TWSG1: variants seen among roughly 807,000 people sequenced by gnomAD.
TWSG1 encodes the protein twisted gastrulation protein homolog 1.
A neutral mutation model predicts 23.0 loss-of-function variants in TWSG1; 15 were observed. The observed-to-expected ratio is 0.65, with a 90% CI of 0.44 to 1.00. TWSG1 has a LOEUF of 1.00. TWSG1 is among the 50% of genes least tolerant of loss of function. The pLI, the probability that TWSG1 is intolerant of heterozygous loss-of-function variation, is 0.00. For missense variants in TWSG1, 242 were observed against 278.7 expected (o/e 0.87, Z 0.94); for synonymous variants, 86 against 92.8 (o/e 0.93, Z 0.42).
In TWSG1 at chr18:9,389,254, G is replaced by GCTT. The variant is rs1195411896; in HGVS notation, c.224-7026_224-7025insCTT. Among the ~76,000 whole-genome samples the GCTT allele has an allele frequency of 2.1e-4, 32 of 152,276 alleles. No homozygotes were observed. The East Asian group carries it at 5.4e-3, about 26-fold the overall frequency. On this transcript the variant is annotated intron_variant, in intron 3 of 4. Coordinates refer to ENST00000262120, the MANE Select transcript of TWSG1 (RefSeq NM_020648.6). ...GCCTCCCAAAGTGCTGAGATTACAG[G>GCTT]TGTGAACCACTGCACCCGGCCACTA...
At position 9,399,479 on chromosome 18, in the gene TWSG1, T is replaced by C; in HGVS notation, c.624T>C (p.Cys208=). ...NACCECIGPE[C]IDYGSKTVKC... ...GCTGCGAGTGCATTGGTCCAGAATG[T>C]ATTGACTATGGTAGTAAAACTGTCA... Residue 208 remains cysteine, a synonymous_variant, in exon 5 of 5, where the codon TGT becomes TGC. Coordinates refer to ENST00000262120, the MANE Select transcript of TWSG1 (RefSeq NM_020648.6). The C allele has an allele frequency of 6.2e-7, 1 of 1,613,406 alleles. No individual in the cohort carries two copies. The highest frequency in any genetic ancestry group is 1.1e-5 in the South Asian group (1 of 90,826).
At chr18:9,360,519 A>G (rs1385879786) in intron 3 of TWSG1, among the ~76,000 whole-genome samples, 1 of 152,220 alleles carries the variant, frequency 6.6e-6, no homozygotes, top group Non-Finnish European at 1.5e-5. Context: ...AACACCTGTC[A>G]GCCCTTCTCT....
At chr18:9,342,753 A>C (rs1183968665) in intron 2 of TWSG1, among the ~76,000 whole-genome samples, 1 of 151,908 alleles carries the variant, frequency 6.6e-6, no homozygotes, top group South Asian at 2.1e-4. Flanking sequence ...TGTTTCTTGG[A>C]TTTCGTATCT....
At chr18:9,369,325 A>G (rs2040594066) in intron 3 of TWSG1, among the ~76,000 whole-genome samples, 1 of 151,676 alleles carries the variant, frequency 6.6e-6, no homozygotes, top group Non-Finnish European at 1.5e-5. Flanking sequence ...CTAGAGTACA[A>G]TGGCACGATC....
In TWSG1 at chr18:9,402,382, C is replaced by CG. The variant is rs2040766880; in HGVS notation, c.*2855_*2856insG. ...ATTGTGTATTTTTCTTTGGTTGTCCCTATTAACAAAAAAGTATTTTAATAA... is the reference window on the plus strand; with the variant it reads ...ATTGTGTATTTTTCTTTGGTTGTCCCGTATTAACAAAAAAGTATTTTAATAA... On this transcript the variant is annotated 3_prime_UTR_variant, in exon 5 of 5. Transcript: ENST00000262120. 2 of 151,986 alleles carry CG rather than the reference C, an allele frequency of 1.3e-5. No individual in the cohort carries two copies. Among genetic ancestry groups the CG allele is most frequent in the African/African-American group, 4.8e-5 (2 of 41,356 alleles). The allele number at this position is 151,986 out of a possible 1,614,324, so 9.4% of individuals were successfully genotyped here. A position where few individuals can be genotyped will look rare whatever the true frequency, so the allele number is the denominator to read the frequency against.
intron 3 of TWSG1, among the ~76,000 whole-genome samples, chr18:9,390,126 T>C (rs1275997680): frequency 6.6e-6 from 1 of 151,858 alleles, no homozygotes; most frequent in African/African-American, 2.4e-5. Context: ...GGCTGGTGGT[T>C]GCTGAAGGCT....
chr18:9,352,950 A>T (rs1342135223), intron 2 of TWSG1, among the ~76,000 whole-genome samples: 1 of 152,256 alleles, frequency 6.6e-6, no homozygotes, highest in Non-Finnish European at 1.5e-5. Context: ...CATTTTGGTC[A>T]ATGGCAGACA....
In TWSG1 at chr18:9,378,880, C is replaced by T. The variant is rs116186868; in HGVS notation, c.224-17400C>T. ...CCTGTAGTCCTACCTACTACAGAGG[C>T]TGAGGCTGGAGGATCACTAGAGCCT... On this transcript the variant is annotated intron_variant, in intron 3 of 4. Transcript: ENST00000262120. Among the ~76,000 whole-genome samples the T allele has an allele frequency of 2.6e-3, 397 of 150,536 alleles. 2 individuals are homozygous for T. Among genetic ancestry groups the T allele is most frequent in the African/African-American group, 9.2e-3 (379 of 41,122 alleles).
At chr18:9,375,821 T>C (rs1458888339) in intron 3 of TWSG1, among the ~76,000 whole-genome samples, 7 of 152,172 alleles carry the variant, frequency 4.6e-5, no homozygotes, top group Admixed American at 4.6e-4. Flanking sequence ...ATCTCATGAA[T>C]GAAATCAAAG....
At chr18:9,386,055 G>A (rs2040681959) in intron 3 of TWSG1, among the ~76,000 whole-genome samples, 1 of 151,928 alleles carries the variant, frequency 6.6e-6, no homozygotes, top group Non-Finnish European at 1.5e-5. Flanking sequence ...TGTAGTCCCA[G>A]ATACTCAGGA....
intron 2 of TWSG1, among the ~76,000 whole-genome samples, chr18:9,354,308 G>T (rs1210273204): frequency 6.6e-6 from 1 of 152,162 alleles, no homozygotes; most frequent in African/African-American, 2.4e-5. Flanking sequence ...GGGTTAAATA[G>T]AACCCATTTA....
chr18:9,355,102 C>T (rs899097809), intron 2 of TWSG1, among the ~76,000 whole-genome samples: 2 of 152,164 alleles, frequency 1.3e-5, no homozygotes, highest in African/African-American at 4.8e-5. Flanking sequence ...ACTACAGGCA[C>T]CCGCCACCAT....
chr18:9,396,870 C>T, intron 4 of TWSG1: 1 of 390,472 alleles, frequency 2.6e-6, no homozygotes, highest in South Asian at 5.4e-5. Flanking sequence ...ACCAGCCTGA[C>T]CAACATGGTG....
chr18:9,378,516 A>T lies in TWSG1; in HGVS notation c.224-17764A>T, dbSNP rs551011647. Among the ~76,000 whole-genome samples the T allele has an allele frequency of 5.3e-5, 8 of 152,344 alleles. No homozygotes were observed. The South Asian group carries it at 1.7e-3, about 32-fold the overall frequency. On this transcript the variant is annotated intron_variant, in intron 3 of 4. Transcript: ENST00000262120. ...AAATTAGGAACTCAATCCCATTCAC[A>T]GTTGTCACAAAAAGAATAAAATACC... is the stretch of plus-strand genomic sequence containing the variant.
chr18:9,344,598 G>A (rs961316705), intron 2 of TWSG1, among the ~76,000 whole-genome samples: 21 of 145,950 alleles, frequency 1.4e-4, no homozygotes, highest in African/African-American at 4.8e-4. Context: ...GTGCAATCAC[G>A]GCTAACAGCA....
chr18:9,375,711 T>G (rs2040626900), intron 3 of TWSG1, among the ~76,000 whole-genome samples: 1 of 152,192 alleles, frequency 6.6e-6, no homozygotes, highest in Admixed American at 6.5e-5. Context: ...CAGTAGAATT[T>G]GAAATTGGAA....
chr18:9,377,407 C>T (rs564378504), intron 3 of TWSG1, among the ~76,000 whole-genome samples: 37 of 151,278 alleles, frequency 2.4e-4, no homozygotes, highest in South Asian at 8.4e-4. Context: ...TTAGTAGAGA[C>T]GGGGTTTCAC....
chr18:9,335,321 T>C (rs1206486988), intron 1 of TWSG1, among the ~76,000 whole-genome samples: 1 of 152,246 alleles, frequency 6.6e-6, no homozygotes, highest in Admixed American at 6.5e-5. Context: ...TCGCTGTCAG[T>C]GCCATCTCCC....
chr18:9,341,274 A>G (rs906617564), intron 2 of TWSG1, among the ~76,000 whole-genome samples: 1 of 152,248 alleles, frequency 6.6e-6, no homozygotes, highest in African/African-American at 2.4e-5. Context: ...TTGGCTGGCT[A>G]GGTGAGCTCA....
Sources: allele counts gnomAD v4.1 joint callset (sites outside exome capture counted in the v4.1 genomes callset), GRCh38; gene constraint gnomAD v4.1.1; transcripts MANE v1.5; gene names NCBI Gene and HGNC (gene_info 2026-07-23, HGNC 2026-07-21).